The following FRYL variants were observed in gnomAD, a reference collection of about 807,000 sequenced individuals.
FRYL encodes FRY like transcription coactivator.
Under a neutral mutation model 351.2 loss-of-function variants are expected in FRYL, and 150 were observed. The observed-to-expected ratio is 0.43, with a 90% CI of 0.37 to 0.49. The LOEUF is 0.49. Among genes scored for constraint, FRYL ranks in the 20% least tolerant of loss-of-function variants. The pLI is 0.00. For missense variants in FRYL, 3,036 were observed against 3,619.3 expected, an observed-to-expected ratio of 0.84 and a Z score of 4.13; for synonymous variants, 1,153 against 1,257.1, an observed-to-expected ratio of 0.92 and a Z score of 1.75.
intron 53 of FRYL, among the ~76,000 whole-genome samples, chr4:48,524,067 C>T (rs1172598037): frequency 2.6e-5 from 4 of 152,048 alleles, no homozygotes; most frequent in East Asian, 1.9e-4. Context: ...ATAATCCCTA[C>T]AATTTTTCTT....
intron 3 of FRYL, among the ~76,000 whole-genome samples, chr4:48,678,325 A>G (rs567669153): frequency 1.3e-5 from 2 of 152,002 alleles, no homozygotes; most frequent in South Asian, 2.1e-4. Flanking sequence ...TAAATCTAAG[A>G]CCTAAAACCA....
chr4:48,762,846 T>C (rs1268903422), intron 1 of FRYL, among the ~76,000 whole-genome samples: 1 of 152,096 alleles, frequency 6.6e-6, no homozygotes, highest in African/African-American at 2.4e-5. Flanking sequence ...ATCCAAAGTA[T>C]ACAATAAAAC....
At chr4:48,752,138 G>A (rs181008709) in intron 1 of FRYL, among the ~76,000 whole-genome samples, 211 of 152,306 alleles carry the variant, frequency 1.4e-3, no homozygotes, top group African/African-American at 4.5e-3. Flanking sequence ...GTATTATATC[G>A]TAGTGGATGT....
intron 49 of FRYL, among the ~76,000 whole-genome samples, chr4:48,531,606 A>G (rs1038455619): frequency 3.3e-5 from 5 of 152,154 alleles, no homozygotes; most frequent in Non-Finnish European, 7.4e-5. Flanking sequence ...TTCTCCCAAT[A>G]AGTGCTTTGT....
At chr4:48,540,990 A>C in intron 45 of FRYL, 30 bp from the exon 46 acceptor site, 4 of 1,470,988 alleles carry the variant, frequency 2.7e-6, no homozygotes, top group Non-Finnish European at 3.6e-6. Context: ...AGATGAATGC[A>C]TACCCAGTCA....
intron 1 of FRYL, among the ~76,000 whole-genome samples, chr4:48,734,719 T>C (rs1373774103): frequency 1.3e-5 from 2 of 152,266 alleles, no homozygotes; most frequent in Non-Finnish European, 2.9e-5. Context: ...GATTTTTGTA[T>C]AAGGTGTAAG....
rs368006420 is a variant in FRYL at position 48,736,850 on chromosome 4, GAAAAAAAAAAA to G, written c.-383-26163_-383-26153del. ...GGGCGACAGACTGAGACTCTGTCTCGAAAAAAAAAAAAAAAAAAAAGAAAAAAGAAAAAGAA... is the reference window on the plus strand; with the variant it reads ...GGGCGACAGACTGAGACTCTGTCTCGAAAAAAAAAGAAAAAAGAAAAAGAA... On this transcript the variant is annotated intron_variant, in intron 1 of 63. Coordinates refer to ENST00000358350, the MANE Select transcript of FRYL (RefSeq NM_015030.2). Among the ~76,000 whole-genome samples, 39 of 40,608 alleles carry G rather than the reference GAAAAAAAAAAA, an allele frequency of 9.6e-4. No individual in the cohort carries two copies. The Admixed American group carries it at 0.01, about 11-fold the overall frequency. 26.6% of individuals were successfully genotyped at this position (40,608 alleles called of 152,430 possible).
intron 22 of FRYL, among the ~76,000 whole-genome samples, chr4:48,579,906 T>C (rs1208547737): frequency 6.6e-6 from 1 of 152,240 alleles, no homozygotes; most frequent in East Asian, 1.9e-4. Context: ...ACACATGAGA[T>C]GATGGATACA....
chr4:48,597,158 T>C (rs1188360430), intron 13 of FRYL, among the ~76,000 whole-genome samples: 1 of 152,116 alleles, frequency 6.6e-6, no homozygotes, highest in African/African-American at 2.4e-5. Context: ...ACCAAGCATT[T>C]TGTAGTAATG....
chr4:48,704,391 C>T (rs1053335430), intron 2 of FRYL, among the ~76,000 whole-genome samples: 2 of 152,136 alleles, frequency 1.3e-5, no homozygotes, highest in Non-Finnish European at 2.9e-5. Context: ...AATTTGACAA[C>T]ATATTCTGCT....
At chr4:48,566,744 A>G (rs919237835) in intron 28 of FRYL, among the ~76,000 whole-genome samples, 3 of 152,224 alleles carry the variant, frequency 2.0e-5, no homozygotes, top group African/African-American at 7.2e-5. Flanking sequence ...AAATAATTTA[A>G]CTTTTAAAAA....
chr4:48,537,510 A>T (rs1729146440), intron 47 of FRYL, among the ~76,000 whole-genome samples: 1 of 152,204 alleles, frequency 6.6e-6, no homozygotes, highest in South Asian at 2.1e-4. Flanking sequence ...ATATTTGCAT[A>T]ATGAAGGAGC....
chr4:48,704,890 A>C (rs558697833), intron 2 of FRYL, among the ~76,000 whole-genome samples: 6 of 151,202 alleles, frequency 4.0e-5, no homozygotes, highest in African/African-American at 1.5e-4. Flanking sequence ...CGGAGGTTGC[A>C]GTAAGCCGAG....
intron 4 of FRYL, among the ~76,000 whole-genome samples, chr4:48,624,961 T>A (rs1220553034): frequency 6.6e-6 from 1 of 152,152 alleles, no homozygotes; most frequent in Non-Finnish European, 1.5e-5. Flanking sequence ...ACATCGGTTC[T>A]TCTTGGGTTT....
At chr4:48,730,811 T>A (rs1770639288) in intron 1 of FRYL, among the ~76,000 whole-genome samples, 1 of 151,966 alleles carries the variant, frequency 6.6e-6, no homozygotes, top group African/African-American at 2.4e-5. Context: ...CTCCATCAAT[T>A]AACAGGCCAA....
intron 1 of FRYL, among the ~76,000 whole-genome samples, chr4:48,769,215 A>C (rs565530359): frequency 6.6e-6 from 1 of 152,348 alleles, no homozygotes; most frequent in East Asian, 1.9e-4. Flanking sequence ...ATAAAAAGAC[A>C]AGCTTCAGAT....
At chr4:48,725,726 G>GT (rs545031495) in intron 1 of FRYL, among the ~76,000 whole-genome samples, 210 of 152,246 alleles carry the variant, frequency 1.4e-3, no homozygotes, top group African/African-American at 4.9e-3. Flanking sequence ...TTGTGTTCAA[G>GT]TAATCTTTAT....
In FRYL at chr4:48,734,314, G is replaced by C. The variant is rs1226644627; in HGVS notation, c.-383-23616C>G. Reference sequence around the variant, plus strand: ...AGCAAGGAAAGTTCTCAAAGATAAAGATTAGCATTACATAATGATAAATGG... The same window carrying C: ...AGCAAGGAAAGTTCTCAAAGATAAACATTAGCATTACATAATGATAAATGG... On this transcript the variant is annotated intron_variant, in intron 1 of 63. Coordinates refer to ENST00000358350, the MANE Select transcript of FRYL (RefSeq NM_015030.2). Among the ~76,000 whole-genome samples, 3 of 152,296 alleles carry C rather than the reference G, an allele frequency of 2.0e-5. No homozygotes were observed. In the East Asian group the frequency reaches 5.8e-4, roughly 29 times the overall value.
intron 1 of FRYL, among the ~76,000 whole-genome samples, chr4:48,769,815 T>C (rs1415542396): frequency 1.3e-5 from 2 of 152,138 alleles, no homozygotes; most frequent in Admixed American, 1.3e-4. Context: ...AGTGAAAAAG[T>C]CAATCGCAAA....
Sources: allele counts gnomAD v4.1 joint callset (sites outside exome capture counted in the v4.1 genomes callset), GRCh38; gene constraint gnomAD v4.1.1; transcripts MANE v1.5; gene names NCBI Gene and HGNC (gene_info 2026-07-23, HGNC 2026-07-21).